Variants in CFAP46 observed in about 807,000 individuals in gnomAD.
CFAP46 encodes cilia- and flagella-associated protein 46.
CFAP46 carries 245 observed loss-of-function variants against 325.7 expected under a neutral mutation model. That is an observed-to-expected ratio of 0.75 (90% CI 0.68 to 0.84). The LOEUF is 0.84. Among genes scored for constraint, CFAP46 ranks in the 40% least tolerant of loss-of-function variants. The pLI is 0.00. For missense variants in CFAP46, 3,346 were observed against 3,543.0 expected (o/e 0.94, Z 1.41); for synonymous variants, 1,523 against 1,495.9 (o/e 1.02, Z -0.42).
intron 22 of CFAP46, among the ~76,000 whole-genome samples, chr10:132,901,279 T>C (rs1220704175): frequency 6.6e-6 from 1 of 152,378 alleles, no homozygotes; most frequent in African/African-American, 2.4e-5. Context: ...TTACGTTTAA[T>C]GGAATGACTG....
chr10:132,928,673 C>G (rs934836699), intron 9 of CFAP46, among the ~76,000 whole-genome samples: 1 of 152,200 alleles, frequency 6.6e-6, no homozygotes, highest in African/African-American at 2.4e-5. Flanking sequence ...AGACAGCACA[C>G]AGGGAGGCCC....
At chr10:132,890,623 A>C (rs1451937540) in intron 25 of CFAP46, among the ~76,000 whole-genome samples, 2 of 151,664 alleles carry the variant, frequency 1.3e-5, no homozygotes, top group Non-Finnish European at 2.9e-5. Context: ...CCTCTCCAAA[A>C]CCCTCGAGAC....
chr10:132,879,720 T>C (rs1849010927), intron 28 of CFAP46, 89 bp from the exon 29 acceptor site: 1 of 1,332,922 alleles, frequency 7.5e-7, no homozygotes, highest in Non-Finnish European at 9.9e-7. Flanking sequence ...GAGGCTGTGG[T>C]GGACTGCCCG....
chr10:132,895,419 G>A (rs1307768695), intron 24 of CFAP46, among the ~76,000 whole-genome samples: 1 of 152,204 alleles, frequency 6.6e-6, no homozygotes, highest in Non-Finnish European at 1.5e-5. Flanking sequence ...TGCTTCCACT[G>A]CTGCTATTCC....
chr10:132,832,398 C>CCCCCCCCCCCCCCCCCG lies in CFAP46; in HGVS notation c.7117+959_7117+960insCGGGGGGGGGGGGGGGG, dbSNP rs899709488. Among the ~76,000 whole-genome samples the CCCCCCCCCCCCCCCCCG allele has an allele frequency of 7.5e-6, 1 of 132,906 alleles. No homozygotes were observed. The highest frequency in any genetic ancestry group is 2.9e-5 in the African/African-American group (1 of 35,072). 87.2% of individuals were successfully genotyped at this position (132,906 alleles called of 152,430 possible). A position where few individuals can be genotyped will look rare whatever the true frequency, so the allele number is the denominator to read the frequency against. On this transcript the variant is annotated intron_variant, in intron 50 of 57. Transcript: ENST00000368586. This position sits in a 1 kb window ranked among gnomAD's most constrained non-coding sequence, Gnocchi z 4.1. The stretch of plus-strand genomic sequence containing the variant: ...CCCTGGGCTCTTCCTGCCCCCCCCC[C>CCCCCCCCCCCCCCCCCG]CCAATGCTGTGGCCTGGAAATTCCC...
At chr10:132,912,298 CCTCTCTT>C (rs1564798245) in intron 19 of CFAP46, among the ~76,000 whole-genome samples, 574 of 44,348 alleles carry the variant, frequency 0.013, 23 homozygotes, top group Non-Finnish European at 0.019. Context: ...CTCTCTCTCT[CCTCTCTT>C]TCTCCTGTCT....
chr10:132,812,402 T>C (rs1847599276), intron 55 of CFAP46, among the ~76,000 whole-genome samples: 1 of 152,110 alleles, frequency 6.6e-6, no homozygotes, highest in East Asian at 1.9e-4. Flanking sequence ...ACGATTAAAC[T>C]AGAGGCCCTG....
Position 132,884,793 on chromosome 10 carries a change from A to G in CFAP46, c.3627+310T>C, listed in dbSNP as rs1351640025. 2.0e-5 allele frequency among the ~76,000 whole-genome samples: 3 copies of G among 151,886 alleles called. No individual in the cohort carries two copies. The highest frequency in any genetic ancestry group is 7.3e-5 in the African/African-American group (3 of 41,358). ...ACCCGCCCATCGGGGCCCTGGTGCC[A>G]CCAGGGGAGCCTGGGCGCTTCCACT... On this transcript the variant is annotated intron_variant, in intron 27 of 57. Coordinates refer to ENST00000368586, the MANE Select transcript of CFAP46 (RefSeq NM_001200049.3). This position sits in a 1 kb window ranked among gnomAD's most constrained non-coding sequence, Gnocchi z 5.4.
At chr10:132,841,057 G>A (rs1305422064) in intron 44 of CFAP46, among the ~76,000 whole-genome samples, 2 of 152,160 alleles carry the variant, frequency 1.3e-5, no homozygotes, top group Non-Finnish European at 2.9e-5. Context: ...CCATTCATGA[G>A]TTTTGGAGGG....
chr10:132,883,388 C>T lies in CFAP46; in HGVS notation c.3627+1715G>A, dbSNP rs577605096. 5.4e-4 allele frequency among the ~76,000 whole-genome samples: 82 copies of T among 152,364 alleles called. 1 individual carries two copies. The highest frequency in any genetic ancestry group is 1.8e-3 in the African/African-American group (74 of 41,586). On this transcript the variant is annotated intron_variant, in intron 27 of 57. Coordinates refer to ENST00000368586, the MANE Select transcript of CFAP46 (RefSeq NM_001200049.3). ...CACATGGGAATATGCACCCCATCAT[C>T]AGTGGCTGGGAAAATACAGGCAAAC... is the stretch of plus-strand genomic sequence containing the variant.
rs748736425 is a variant in CFAP46 at position 132,899,648 on chromosome 10, C to T, written c.2943G>A (p.Val981=). Residue 981 remains valine, a synonymous_variant, in exon 23 of 58, where the codon GTG becomes GTA. Coordinates refer to ENST00000368586, the MANE Select transcript of CFAP46 (RefSeq NM_001200049.3). ...CCGTGGCTGTGCACAGCATCTCTGC[C>T]ACCAGCCGGGACTCCTCGCTGCAGG... ...KKFGPEESRL[V]AEMLCTATAI... is the part of the protein sequence containing the mutation. 4.5e-6 allele frequency: 7 copies of T among 1,549,948 alleles called. No individual in the cohort carries two copies. The highest frequency in any genetic ancestry group is 3.4e-4 in the Middle Eastern group (2 of 5,912).
Position 132,859,152 on chromosome 10 carries a change from A to T in CFAP46, c.5294T>A (p.Leu1765Ter). The T allele has an allele frequency of 6.4e-7, 1 of 1,550,872 alleles. No homozygotes were observed. The highest frequency in any genetic ancestry group is 8.7e-7 in the Non-Finnish European group (1 of 1,147,046). The change falls in exon 38 of 58, where the codon TTG becomes TAG. Residue 1765 changes from leucine to a stop codon, truncating the protein, a stop_gained. Coordinates refer to ENST00000368586, the MANE Select transcript of CFAP46 (RefSeq NM_001200049.3). LOFTEE classifies it high-confidence loss of function. ...LLLKEMDDGL[L>*]EIERKFIDCG... ...GTCGATAAACTTTCTCTCAATTTCCAACAGGCCATCATCCATCTCTTTCAG... is the reference window on the plus strand; with the variant it reads ...GTCGATAAACTTTCTCTCAATTTCCTACAGGCCATCATCCATCTCTTTCAG...
intron 26 of CFAP46, 21 bp from the exon 27 acceptor site, chr10:132,885,307 A>G (rs1260644104): frequency 2.6e-6 from 4 of 1,534,142 alleles, no homozygotes; most frequent in Non-Finnish European, 3.5e-6. Context: ...GGAAGGTGAG[A>G]AACCAACGTC....
chr10:132,939,856 G>C lies in CFAP46; in HGVS notation c.372-1103C>G, dbSNP rs767510404. ...TGTGGCCTCCACATGCCCGTGGTTG[G>C]GCTCACAGTCTCCTGTCCCACTGAC... On this transcript the variant is annotated intron_variant, in intron 4 of 57. Transcript: ENST00000368586. The surrounding 1 kb of genome is among the most constrained non-coding windows in gnomAD (Gnocchi z 4.6). Among the ~76,000 whole-genome samples, 1 of 152,150 alleles carries C rather than the reference G, an allele frequency of 6.6e-6. No individual in the cohort carries two copies. The highest frequency in any genetic ancestry group is 6.5e-5 in the Admixed American group (1 of 15,284).
Position 132,838,065 on chromosome 10 carries a change from T to C in CFAP46, c.6439-1151A>G, listed in dbSNP as rs181124647. On this transcript the variant is annotated intron_variant, in intron 44 of 57. Coordinates refer to ENST00000368586, the MANE Select transcript of CFAP46 (RefSeq NM_001200049.3). ...GGGGAAGGCCCTCTCTTCCTGGCCT[T>C]AGGCCCCTGGGATGCCAGTCGGCTG... 3.6e-4 allele frequency among the ~76,000 whole-genome samples: 55 copies of C among 152,302 alleles called. 1 individual carries two copies. In the East Asian group the frequency reaches 6.0e-3, roughly 17 times the overall value.
At position 132,889,488 on chromosome 10, in the gene CFAP46, C is replaced by T. The variant is rs1186450052; in HGVS notation, c.3304+2845G>A. On this transcript the variant is annotated intron_variant, in intron 25 of 57. Transcript: ENST00000368586. This position sits in a 1 kb window ranked among gnomAD's most constrained non-coding sequence, Gnocchi z 6.0. ...GGTCTGCGTCTGAAACTTGGGAACC[C>T]TGAGCCCTGCTTCCTCCTGCTTGAA... Among the ~76,000 whole-genome samples the T allele has an allele frequency of 1.3e-5, 2 of 152,200 alleles. No individual in the cohort carries two copies. The highest frequency in any genetic ancestry group is 2.9e-5 in the Non-Finnish European group (2 of 68,022).
Position 132,864,775 on chromosome 10 carries a change from ACACCT to A in CFAP46, c.4890+1245_4890+1249del, listed in dbSNP as rs1429875378. The stretch of plus-strand genomic sequence containing the variant: ...CTCTCCCCCTGCCTGAGACCTGAAC[ACACCT>A]GTCCCCCTGCTTGAGACCTGCACAC... On this transcript the variant is annotated intron_variant, in intron 35 of 57. Transcript: ENST00000368586. 3.8e-5 allele frequency among the ~76,000 whole-genome samples: 4 copies of A among 104,752 alleles called. No homozygotes were observed. In the Admixed American group the frequency reaches 4.7e-4, roughly 12 times the overall value. The allele number at this position is 104,752 out of a possible 152,430, so 68.7% of individuals were successfully genotyped here. A position where few individuals can be genotyped will look rare whatever the true frequency, so the allele number is the denominator to read the frequency against.
Position 132,859,052 on chromosome 10 carries a change from G to T in CFAP46, c.5375+19C>A, listed in dbSNP as rs972450371. ...GAGAAGCAGTGACTCCCGTGCAGGG[G>T]TCGTGGAGGCAGCCTTACCTCTTGA... On this transcript the variant is annotated intron_variant, in intron 38 of 57. Coordinates refer to ENST00000368586, the MANE Select transcript of CFAP46 (RefSeq NM_001200049.3). 1 of 1,546,120 alleles carries T rather than the reference G, an allele frequency of 6.5e-7. No homozygotes were observed. Among genetic ancestry groups the T allele is most frequent in the Non-Finnish European group, 8.7e-7 (1 of 1,144,468 alleles).
intron 41 of CFAP46, among the ~76,000 whole-genome samples, chr10:132,848,672 G>GA (rs2135120440): frequency 6.6e-6 from 1 of 152,340 alleles, no homozygotes; most frequent in Admixed American, 6.5e-5. Context: ...CAAGAACAGC[G>GA]AAAGAGACCA....
Sources: allele counts gnomAD v4.1 joint callset (sites outside exome capture counted in the v4.1 genomes callset), GRCh38; gene constraint gnomAD v4.1.1; non-coding constraint Gnocchi (gnomAD v3.1); transcripts MANE v1.5; gene names NCBI Gene and HGNC (gene_info 2026-07-23, HGNC 2026-07-21).